DTNB: variants seen among roughly 807,000 people sequenced by gnomAD.
DTNB encodes the protein DTN-B.
A neutral mutation model predicts 90.7 loss-of-function variants in DTNB; 63 were observed. The observed-to-expected ratio is 0.69, with a 90% CI of 0.57 to 0.86. The LOEUF (loss-of-function observed/expected upper bound fraction) is 0.86. DTNB is among the 40% of genes least tolerant of loss of function. DTNB has a pLI of 0.00. For synonymous variants in DTNB, 277 were observed against 286.7 expected, an observed-to-expected ratio of 0.97 and a Z score of 0.34; for missense variants, 744 against 807.1, an observed-to-expected ratio of 0.92 and a Z score of 0.95.
At chr2:25,476,170 G>A (rs2063715797) in intron 10 of DTNB, among the ~76,000 whole-genome samples, 1 of 151,194 alleles carries the variant, frequency 6.6e-6, no homozygotes, top group African/African-American at 2.4e-5. Flanking sequence ...CCGGGTTCAA[G>A]TAATTCTCCT....
At chr2:25,662,492 A>G (rs1187778661) in intron 1 of DTNB, among the ~76,000 whole-genome samples, 4 of 152,200 alleles carry the variant, frequency 2.6e-5, no homozygotes, top group Non-Finnish European at 5.9e-5. Context: ...GACTGGGACT[A>G]TGGTGATGTG....
chr2:25,643,774 A>G (rs966063771), intron 2 of DTNB, among the ~76,000 whole-genome samples: 1 of 152,220 alleles, frequency 6.6e-6, no homozygotes, highest in Non-Finnish European at 1.5e-5. Flanking sequence ...TTTGAACCAG[A>G]GCAACCCCAC....
intron 4 of DTNB, among the ~76,000 whole-genome samples, chr2:25,627,576 T>G (rs2074508260): frequency 6.6e-6 from 1 of 152,118 alleles, no homozygotes; most frequent in Non-Finnish European, 1.5e-5. Context: ...GTGTTTTTCA[T>G]GAGCTGGAGG....
At chr2:25,381,956 C>G (rs72613824) in intron 19 of DTNB, among the ~76,000 whole-genome samples, 4,082 of 152,352 alleles carry the variant, frequency 0.027, 76 homozygotes, top group East Asian at 0.062. Context: ...CCTTTCTTGT[C>G]ACAGCTTCCT....
intron 3 of DTNB, among the ~76,000 whole-genome samples, chr2:25,634,450 G>A (rs1407567644): frequency 3.4e-5 from 5 of 148,962 alleles, no homozygotes; most frequent in South Asian, 2.1e-4. Context: ...TCAGCCCCCC[G>A]CCCGGCCAGT....
chr2:25,449,923 C>T (rs995207925), intron 12 of DTNB, among the ~76,000 whole-genome samples: 2 of 151,876 alleles, frequency 1.3e-5, no homozygotes, highest in East Asian at 1.9e-4. Context: ...CTGCCACGCC[C>T]GGCTAATTTT....
At chr2:25,553,525 G>A in intron 8 of DTNB, among the ~76,000 whole-genome samples, 1 of 151,842 alleles carries the variant, frequency 6.6e-6, no homozygotes, top group East Asian at 1.9e-4. Flanking sequence ...ATCACCTGAG[G>A]TCAGGAGTTT....
chr2:25,499,532 A>AAC (rs935898148), intron 9 of DTNB, among the ~76,000 whole-genome samples: 1 of 152,212 alleles, frequency 6.6e-6, no homozygotes, highest in African/African-American at 2.4e-5. Flanking sequence ...TATTCCACAT[A>AAC]ACATTTCATA....
At chr2:25,580,698 T>A in intron 7 of DTNB, 23 bp downstream of exon 7, 1 of 1,597,148 alleles carries the variant, frequency 6.3e-7, no homozygotes, top group Non-Finnish European at 8.6e-7. Flanking sequence ...CATGCGGAAT[T>A]GAACAATAAA....
intron 10 of DTNB, among the ~76,000 whole-genome samples, chr2:25,477,713 A>G (rs1365070191): frequency 6.6e-6 from 1 of 152,190 alleles, no homozygotes; most frequent in Admixed American, 6.5e-5. Context: ...CATCTATGCA[A>G]AAGGAGGTGT....
chr2:25,561,004 C>T (rs2058177215), intron 8 of DTNB, among the ~76,000 whole-genome samples: 4 of 152,214 alleles, frequency 2.6e-5, no homozygotes, highest in South Asian at 2.1e-4. Flanking sequence ...CTACCTACAA[C>T]ATTTTATTGC....
chr2:25,615,839 C>T (rs962013054), intron 4 of DTNB, among the ~76,000 whole-genome samples: 2 of 152,062 alleles, frequency 1.3e-5, no homozygotes, highest in Non-Finnish European at 2.9e-5. Context: ...AGTTCTAAAC[C>T]CATACAAATC....
intron 16 of DTNB, among the ~76,000 whole-genome samples, chr2:25,389,848 G>C (rs1392136611): frequency 4.3e-5 from 1 of 23,350 alleles, no homozygotes; most frequent in African/African-American, 3.7e-4. Flanking sequence ...TGAATCATTT[G>C]TGTGTGTGTG....
chr2:25,564,623 A>G (rs2058745494), intron 8 of DTNB, among the ~76,000 whole-genome samples: 1 of 152,034 alleles, frequency 6.6e-6, no homozygotes, highest in South Asian at 2.1e-4. Context: ...CCTGACCTCA[A>G]GTGACCCACC....
chr2:25,400,239 C>T (rs114723832), intron 16 of DTNB, among the ~76,000 whole-genome samples: 2,076 of 152,360 alleles, frequency 0.014, 27 homozygotes, highest in Middle Eastern at 0.037. Flanking sequence ...TGCTGACAAT[C>T]ACCTCTGAAT....
chr2:25,469,611 G>A lies in DTNB; in HGVS notation c.1079+13185C>T, dbSNP rs376571922. On this transcript the variant is annotated intron_variant, in intron 10 of 20. Transcript: ENST00000406818. ...TAGGCACTTACCACCACGCCCAGCT[G>A]ATTTTTCCTATTTTTAGTACAGATG... 1.6e-3 allele frequency among the ~76,000 whole-genome samples: 236 copies of A among 152,150 alleles called. 1 individual carries two copies. The highest frequency in any genetic ancestry group is 5.5e-3 in the African/African-American group (228 of 41,512).
chr2:25,380,528 G>A lies in DTNB; in HGVS notation c.1880-1205C>T, dbSNP rs371723345. On this transcript the variant is annotated intron_variant, in intron 19 of 20. Coordinates refer to ENST00000406818, the MANE Select transcript of DTNB (RefSeq NM_021907.5). ...GGGATGACACCAGAAAGTCACATAC[G>A]TAAAAATTCAGGCATTCCCACAAAA... 6.5e-4 allele frequency among the ~76,000 whole-genome samples: 99 copies of A among 152,336 alleles called. 2 individuals carry two copies. The South Asian group carries it at 0.012, about 19-fold the overall frequency.
intron 16 of DTNB, among the ~76,000 whole-genome samples, chr2:25,413,967 C>T (rs1224089576): frequency 6.6e-6 from 1 of 152,140 alleles, no homozygotes; most frequent in African/African-American, 2.4e-5. Context: ...TTAATGATCG[C>T]CATTCTAACT....
At chr2:25,519,445 C>A (rs1321909788) in intron 9 of DTNB, among the ~76,000 whole-genome samples, 1 of 150,414 alleles carries the variant, frequency 6.6e-6, no homozygotes, top group Non-Finnish European at 1.5e-5. Context: ...AAACAAATAA[C>A]CCAAAAAATC....
Sources: gnomAD v4.1 joint callset for allele counts (sites outside exome capture counted in the v4.1 genomes callset) on GRCh38, gnomAD v4.1.1 for gene constraint, MANE v1.5 for transcripts, NCBI Gene and HGNC (gene_info 2026-07-23, HGNC 2026-07-21) for gene names.